PIBF1: variants seen among roughly 807,000 people sequenced by gnomAD.
PIBF1 encodes progesterone immunomodulatory binding factor 1.
Under a neutral mutation model 112.5 loss-of-function variants are expected in PIBF1, and 90 were observed. That is an observed-to-expected ratio of 0.80 (90% CI 0.67 to 0.95). The LOEUF (loss-of-function observed/expected upper bound fraction) is 0.95. Among genes scored for constraint, PIBF1 ranks in the 40% least tolerant of loss-of-function variants. The pLI is 0.00. For missense variants in PIBF1, 915 were observed against 852.3 expected, an observed-to-expected ratio of 1.07 and a Z score of -0.92; for synonymous variants, 301 against 288.6, an observed-to-expected ratio of 1.04 and a Z score of -0.44.
intron 13 of PIBF1, among the ~76,000 whole-genome samples, chr13:72,925,161 G>A (rs2041437177): frequency 6.6e-6 from 1 of 152,178 alleles, no homozygotes; most frequent in African/African-American, 2.4e-5. Flanking sequence ...TTGAAAGTGA[G>A]TGGGAACAGG....
At chr13:72,881,854 C>T (rs1417149368) in intron 10 of PIBF1, among the ~76,000 whole-genome samples, 1 of 152,008 alleles carries the variant, frequency 6.6e-6, no homozygotes, top group East Asian at 1.9e-4. Flanking sequence ...GTTAAAATGT[C>T]CATACTTACC....
intron 5 of PIBF1, among the ~76,000 whole-genome samples, chr13:72,818,604 C>T (rs1367473885): frequency 6.6e-6 from 1 of 150,424 alleles, no homozygotes; most frequent in Non-Finnish European, 1.5e-5. Flanking sequence ...ATTTCCAATC[C>T]ATATAATTTG....
chr13:72,949,508 G>C (rs1353679898), intron 14 of PIBF1, among the ~76,000 whole-genome samples: 2 of 151,822 alleles, frequency 1.3e-5, no homozygotes, highest in African/African-American at 2.4e-5. Context: ...GTAGAGACAG[G>C]GTTTCACCCT....
chr13:72,931,518 C>T (rs1328042076), intron 14 of PIBF1, among the ~76,000 whole-genome samples: 2 of 151,874 alleles, frequency 1.3e-5, no homozygotes, highest in Non-Finnish European at 2.9e-5. Flanking sequence ...GCTTTGATTT[C>T]TGAGAATATC....
intron 16 of PIBF1, among the ~76,000 whole-genome samples, chr13:72,996,064 T>C (rs998603096): frequency 9.4e-6 from 1 of 106,000 alleles, no homozygotes; most frequent in Non-Finnish European, 1.8e-5. Context: ...AATCAAATGT[T>C]CTTCATAACA....
intron 5 of PIBF1, among the ~76,000 whole-genome samples, chr13:72,805,213 G>A (rs1348846154): frequency 1.3e-5 from 2 of 152,286 alleles, no homozygotes; most frequent in Admixed American, 6.5e-5. Flanking sequence ...CACGATCTCG[G>A]TTCACTGCAA....
At chr13:72,953,520 G>A (rs965078998) in intron 14 of PIBF1, among the ~76,000 whole-genome samples, 2 of 152,192 alleles carry the variant, frequency 1.3e-5, no homozygotes, top group African/African-American at 4.8e-5. Flanking sequence ...CCAGCAGCGG[G>A]TACCAGCACC....
Position 72,998,945 on chromosome 13 carries a change from G to A in PIBF1, c.2173G>A (p.Val725Met), listed in dbSNP as rs762769105. 3 of 1,611,750 alleles carry A rather than the reference G, an allele frequency of 1.9e-6. No homozygotes were observed. The highest frequency in any genetic ancestry group is 2.2e-5 in the South Asian group (2 of 90,898). Residue 725 changes from valine to methionine, a missense_variant, in exon 17 of 18, where the codon GTG (valine) becomes ATG (methionine). By Grantham distance (21) the Val-to-Met change is conservative. Transcript: ENST00000326291. ...AAATCAGAAATCAAAGACTTTGAATGTGCCTAAAGAGCATGAAGACAATAT... is the reference window on the plus strand; with the variant it reads ...AAATCAGAAATCAAAGACTTTGAATATGCCTAAAGAGCATGAAGACAATAT... ...TENQKSKTLNVPKEHEDNIFT... is the reference protein window; with the variant it reads ...TENQKSKTLNMPKEHEDNIFT...
intron 14 of PIBF1, among the ~76,000 whole-genome samples, chr13:72,957,638 C>T (rs1225066528): frequency 6.6e-6 from 1 of 151,996 alleles, no homozygotes; most frequent in African/African-American, 2.4e-5. Flanking sequence ...AACCAAATAC[C>T]ACCTGTTCTC....
chr13:72,863,300 T>C (rs2038775284), intron 10 of PIBF1, among the ~76,000 whole-genome samples: 1 of 152,120 alleles, frequency 6.6e-6, no homozygotes, highest in Non-Finnish European at 1.5e-5. Context: ...AAACACACCA[T>C]GTATATAGGA....
chr13:72,850,097 G>A (rs1300817984), intron 9 of PIBF1, among the ~76,000 whole-genome samples: 1 of 152,162 alleles, frequency 6.6e-6, no homozygotes, highest in East Asian at 1.9e-4. Context: ...GAATTATGCT[G>A]CGTTTTGCTA....
intron 10 of PIBF1, among the ~76,000 whole-genome samples, chr13:72,859,983 A>G (rs1420727249): frequency 1.3e-5 from 2 of 152,250 alleles, no homozygotes; most frequent in African/African-American, 2.4e-5. Flanking sequence ...GACATAAAGT[A>G]GTAGAATTGG....
At chr13:72,804,680 C>T (rs1322747211) in intron 5 of PIBF1, among the ~76,000 whole-genome samples, 1 of 152,118 alleles carries the variant, frequency 6.6e-6, no homozygotes, top group African/African-American at 2.4e-5. Flanking sequence ...AGGGAGACCC[C>T]CCTGTTTCTG....
In PIBF1 at chr13:72,965,230, G is replaced by A. The variant is rs1306195368; in HGVS notation, c.1834-44G>A. 3.2e-6 allele frequency: 5 copies of A among 1,563,714 alleles called. No individual in the cohort carries two copies. The African/African-American group carries it at 6.8e-5, about 21-fold the overall frequency. On this transcript the variant is annotated intron_variant, in intron 14 of 17. Transcript: ENST00000326291. ...AGAGCATTTTGAATGATTTTATTTTGTTGTCACATTTTCTAGATTTTAATG... is the reference window on the plus strand; with the variant it reads ...AGAGCATTTTGAATGATTTTATTTTATTGTCACATTTTCTAGATTTTAATG...
intron 14 of PIBF1, among the ~76,000 whole-genome samples, chr13:72,939,488 G>C (rs146333728): frequency 1.4e-4 from 22 of 152,176 alleles, no homozygotes; most frequent in African/African-American, 4.3e-4. Context: ...AATATGTGAC[G>C]TTTTGTGTCT....
chr13:72,938,437 A>G (rs1329833584), intron 14 of PIBF1, among the ~76,000 whole-genome samples: 1 of 152,106 alleles, frequency 6.6e-6, no homozygotes, highest in Non-Finnish European at 1.5e-5. Context: ...TGGATATGTT[A>G]TATAAATGAA....
At chr13:72,883,417 C>T (rs2039721173) in intron 10 of PIBF1, among the ~76,000 whole-genome samples, 1 of 152,104 alleles carries the variant, frequency 6.6e-6, no homozygotes, top group Non-Finnish European at 1.5e-5. Context: ...TTTGGAAGCA[C>T]AACATGGTGA....
chr13:72,853,988 T>TC (rs1385483534), intron 9 of PIBF1, 69 bp from the exon 10 acceptor site: 1 of 1,150,724 alleles, frequency 8.7e-7, no homozygotes, highest in Non-Finnish European at 1.3e-6. Flanking sequence ...TGTCAGATAG[T>TC]CCATCTTTAA....
intron 10 of PIBF1, among the ~76,000 whole-genome samples, chr13:72,877,054 G>A (rs9543156): frequency 0.12 from 18,086 of 152,078 alleles, 1,452 homozygotes; most frequent in Non-Finnish European, 0.17. Context: ...GGAACTTCCC[G>A]CTATTCCTAG....
Sources: allele counts gnomAD v4.1 joint callset (sites outside exome capture counted in the v4.1 genomes callset), GRCh38; gene constraint gnomAD v4.1.1; transcripts MANE v1.5; gene names NCBI Gene and HGNC (gene_info 2026-07-23, HGNC 2026-07-21).